The following ITGA11 variants were observed in gnomAD, a reference collection of about 807,000 sequenced individuals.
ITGA11 encodes integrin subunit alpha 11.
In ITGA11, 97 loss-of-function variants were observed where a neutral mutation model predicts 141.9. The observed-to-expected ratio is 0.68, with a 90% CI of 0.58 to 0.81. The LOEUF (loss-of-function observed/expected upper bound fraction) is 0.81, where lower values mean the gene tolerates loss of function less well. Among genes scored for constraint, ITGA11 ranks in the 30% least tolerant of loss-of-function variants. The pLI is 0.00. For missense variants in ITGA11, 1,387 were observed against 1,559.2 expected, an observed-to-expected ratio of 0.89 and a Z score of 1.86; for synonymous variants, 658 against 624.6, an observed-to-expected ratio of 1.05 and a Z score of -0.80.
intron 26 of ITGA11, among the ~76,000 whole-genome samples, chr15:68,310,174 CTTAG>C (rs772982995): frequency 5.3e-5 from 8 of 152,256 alleles, no homozygotes; most frequent in South Asian, 2.1e-4. Context: ...CCCTGGAGGT[CTTAG>C]TTAGAGTAAT....
intron 10 of ITGA11, among the ~76,000 whole-genome samples, chr15:68,342,176 A>C (rs1226907026): frequency 1.3e-5 from 2 of 152,216 alleles, no homozygotes; most frequent in African/African-American, 4.8e-5. Context: ...GAAGGGACCA[A>C]ATCCTTAATA....
chr15:68,379,239 C>T (rs1312100392), intron 2 of ITGA11, among the ~76,000 whole-genome samples: 7 of 152,248 alleles, frequency 4.6e-5, no homozygotes, highest in African/African-American at 1.7e-4. Flanking sequence ...ATCCCCATTC[C>T]ATCCACCCTT....
At position 68,405,159 on chromosome 15, in the gene ITGA11, C is replaced by CTTTTTTTTTT. The variant is rs201537337; in HGVS notation, c.53-2140_53-2131dup. Among the ~76,000 whole-genome samples the CTTTTTTTTTT allele has an allele frequency of 2.9e-4, 34 of 118,928 alleles. 1 individual carries two copies. Among genetic ancestry groups the CTTTTTTTTTT allele is most frequent in the Non-Finnish European group, 3.5e-4 (21 of 59,774 alleles). 78.0% of individuals were successfully genotyped at this position (118,928 alleles called of 152,430 possible). ...ACAAGTTATTTTTCCCACTGTCTCC[C>CTTTTTTTTTT]TTTTTTTTTTTTTTTTGCTCAGCAA... is the stretch of plus-strand genomic sequence containing the variant. On this transcript the variant is annotated intron_variant, in intron 1 of 29. Transcript: ENST00000315757.
Position 68,307,824 on chromosome 15 carries a change from TG to T in ITGA11, c.3175-129del. 1 of 634,570 alleles carries T rather than the reference TG, an allele frequency of 1.6e-6. No individual in the cohort carries two copies. Among genetic ancestry groups the T allele is most frequent in the Non-Finnish European group, 2.8e-6 (1 of 361,204 alleles). The allele number at this position is 634,570 out of a possible 1,614,324, so 39.3% of individuals were successfully genotyped here. ...AGAGGACAGGGGACAAAGAGAAAGT[TG>T]GGAGTGGGGGACATGTGCATTGCGT... On this transcript the variant is annotated intron_variant, in intron 26 of 29. Coordinates refer to ENST00000315757, the MANE Select transcript of ITGA11 (RefSeq NM_001004439.2). This position sits in a 1 kb window ranked among gnomAD's most constrained non-coding sequence, Gnocchi z 6.1.
In ITGA11 at chr15:68,369,116, G is replaced by A. The variant is rs1895511011; in HGVS notation, c.265+68C>T. ...TCAGTGTGACCATGGACATGGGCGT[G>A]CATCAGAGCCTGCCTTGTGTTAGAC... On this transcript the variant is annotated intron_variant, in intron 3 of 29. Coordinates refer to ENST00000315757, the MANE Select transcript of ITGA11 (RefSeq NM_001004439.2). The A allele has an allele frequency of 1.8e-5, 19 of 1,071,424 alleles. 1 individual carries two copies. The South Asian group carries it at 2.4e-4, about 14-fold the overall frequency. The allele number at this position is 1,071,424 out of a possible 1,614,324, so 66.4% of individuals were successfully genotyped here.
At chr15:68,376,488 C>A (rs530676379) in intron 2 of ITGA11, among the ~76,000 whole-genome samples, 1 of 152,360 alleles carries the variant, frequency 6.6e-6, no homozygotes, top group South Asian at 2.1e-4. Flanking sequence ...GTCAGGTGGG[C>A]AGCCACAAAT....
chr15:68,317,965 T>C (rs1438417338), intron 20 of ITGA11, among the ~76,000 whole-genome samples: 1 of 152,180 alleles, frequency 6.6e-6, no homozygotes, highest in African/African-American at 2.4e-5. Context: ...AGCATGTGCA[T>C]TTCCCAGGAC....
chr15:68,347,905 C>G (rs1014647192), intron 10 of ITGA11, among the ~76,000 whole-genome samples: 1 of 113,704 alleles, frequency 8.8e-6, no homozygotes, highest in Non-Finnish European at 1.7e-5. Flanking sequence ...TGGTGCCAGC[C>G]CAGGCAGAAC....
intron 10 of ITGA11, among the ~76,000 whole-genome samples, chr15:68,342,057 C>G (rs2169214): frequency 0.26 from 39,201 of 152,126 alleles, 5,726 homozygotes; most frequent in East Asian, 0.54. Context: ...GAGGAGTAGA[C>G]AGGTTAAGGC....
chr15:68,362,767 G>GATGAATGGATGATGA (rs1266201708), intron 4 of ITGA11, among the ~76,000 whole-genome samples: 1 of 152,172 alleles, frequency 6.6e-6, no homozygotes, highest in Non-Finnish European at 1.5e-5. Flanking sequence ...ACAGATGATG[G>GATGAATGGATGATGA]ATGAATGGAT....
chr15:68,425,526 G>A (rs2140441859), intron 1 of ITGA11, among the ~76,000 whole-genome samples: 1 of 152,330 alleles, frequency 6.6e-6, no homozygotes, highest in Admixed American at 6.5e-5. Context: ...GATGGAGAGG[G>A]AATGGAGACT....
chr15:68,319,936 AT>A lies in ITGA11; in HGVS notation c.2616+248del, dbSNP rs3837690. Among the ~76,000 whole-genome samples, 5,659 of 148,594 alleles carry A rather than the reference AT, an allele frequency of 0.038. 749 individuals are homozygous for A. The East Asian group carries it at 0.48, about 13-fold the overall frequency. On this transcript the variant is annotated intron_variant, in intron 20 of 29. Transcript: ENST00000315757. ...GCAGGCTTTTTAAAGCTCTCCTGTG[AT>A]TTTTTTTTTTATTTAATTACTTTAT...
intron 22 of ITGA11, among the ~76,000 whole-genome samples, chr15:68,314,333 A>G (rs1893496170): frequency 6.6e-6 from 1 of 152,178 alleles, no homozygotes; most frequent in Non-Finnish European, 1.5e-5. Flanking sequence ...CAGCTCCTAC[A>G]GGGCGGCCAG....
chr15:68,299,948 G>A lies in ITGA11; in HGVS notation c.*3111C>T, dbSNP rs544449844. On this transcript the variant is annotated 3_prime_UTR_variant, in exon 30 of 30. Transcript: ENST00000315757. ...GAAACCATCACCTTCCTTAACAAAAGTAAAACCCAGAAACTCCACTGGGGT... is the reference window on the plus strand; with the variant it reads ...GAAACCATCACCTTCCTTAACAAAAATAAAACCCAGAAACTCCACTGGGGT... 1.3e-5 allele frequency: 2 copies of A among 152,190 alleles called. No individual in the cohort carries two copies. The highest frequency in any genetic ancestry group is 3.9e-4 in the East Asian group (2 of 5,170). The allele number at this position is 152,190 out of a possible 1,614,324, so 9.4% of individuals were successfully genotyped here.
At chr15:68,361,085 G>A (rs1895229266) in intron 5 of ITGA11, among the ~76,000 whole-genome samples, 1 of 152,150 alleles carries the variant, frequency 6.6e-6, no homozygotes, top group African/African-American at 2.4e-5. Context: ...TACGTTCCAT[G>A]AGGCTCTGGA....
chr15:68,400,696 TA>T (rs1896462354), intron 2 of ITGA11, among the ~76,000 whole-genome samples: 1 of 35,728 alleles, frequency 2.8e-5, no homozygotes. Context: ...TTATATTATA[TA>T]TTATATAATA....
chr15:68,417,623 G>C (rs891820061), intron 1 of ITGA11, among the ~76,000 whole-genome samples: 1 of 151,910 alleles, frequency 6.6e-6, no homozygotes, highest in African/African-American at 2.4e-5. Flanking sequence ...ATAGATTCTA[G>C]ACCCTTCCCA....
In ITGA11 at chr15:68,382,305, G is replaced by C. The variant is rs79092588; in HGVS notation, c.165-13021C>G. Among the ~76,000 whole-genome samples the C allele has an allele frequency of 3.9e-3, 587 of 152,328 alleles. 26 individuals are homozygous for C. In the East Asian group the frequency reaches 0.092, roughly 24 times the overall value. On this transcript the variant is annotated intron_variant, in intron 2 of 29. Transcript: ENST00000315757. The stretch of plus-strand genomic sequence containing the variant: ...AGAGAAATTGCAGAGAGGATCTGCT[G>C]TCACAGGGTGAGCCATCCCGGAGCT...
rs371923140 is a variant in ITGA11 at position 68,317,346 on chromosome 15, G to A, written c.2634C>T (p.Ser878=). ...SLIQKEDSDG[S]IECVNEERRL... ...TCCTCTCCTCGTTCACACACTCAAT[G>A]CTACCGTCTGAGTCCTCCTGGAGGT... is the stretch of plus-strand genomic sequence containing the variant. Residue 878 remains serine, a synonymous_variant, in exon 21 of 30, where the codon AGC becomes AGT. Transcript: ENST00000315757. 30 of 1,612,762 alleles carry A rather than the reference G, an allele frequency of 1.9e-5. No homozygotes were observed. Among genetic ancestry groups the A allele is most frequent in the Non-Finnish European group, 2.5e-5 (29 of 1,178,908 alleles).
Sources: allele counts gnomAD v4.1 joint callset (sites outside exome capture counted in the v4.1 genomes callset), GRCh38; gene constraint gnomAD v4.1.1; non-coding constraint Gnocchi (gnomAD v3.1); transcripts MANE v1.5; gene names NCBI Gene and HGNC (gene_info 2026-07-23, HGNC 2026-07-21).